SNX13: variants seen among roughly 807,000 people sequenced by gnomAD.
SNX13 encodes the protein sorting nexin 13.
Under a neutral mutation model 133.6 loss-of-function variants are expected in SNX13, and 45 were observed. The ratio of observed to expected loss-of-function variants is 0.34; its 90% CI spans 0.27 to 0.43. The LOEUF is 0.43. Among genes scored for constraint, SNX13 ranks in the 20% least tolerant of loss-of-function variants. The pLI is 1.00. For missense variants in SNX13, 1,032 were observed against 1,145.1 expected, an observed-to-expected ratio of 0.90 and a Z score of 1.43; for synonymous variants, 414 against 373.9, an observed-to-expected ratio of 1.11 and a Z score of -1.24.
intron 1 of SNX13, among the ~76,000 whole-genome samples, chr7:17,939,246 T>G (rs1468715887): frequency 6.6e-6 from 1 of 152,234 alleles, no homozygotes; most frequent in Non-Finnish European, 1.5e-5. Flanking sequence ...GTAGGAATAC[T>G]TCCCATTGCC....
At chr7:17,803,709 T>C in intron 20 of SNX13, 129 bp from the exon 21 acceptor site, 1 of 807,656 alleles carries the variant, frequency 1.2e-6, no homozygotes, top group Non-Finnish European at 1.8e-6. Context: ...ATTATGTCGT[T>C]ACATTTTAAA....
At chr7:17,828,546 A>C (rs1388907924) in intron 16 of SNX13, among the ~76,000 whole-genome samples, 3 of 151,710 alleles carry the variant, frequency 2.0e-5, no homozygotes, top group African/African-American at 7.2e-5. Flanking sequence ...TTTGTTTAGT[A>C]CATTGGAATA....
intron 1 of SNX13, among the ~76,000 whole-genome samples, chr7:17,900,858 C>T (rs1326370013): frequency 6.6e-6 from 1 of 152,136 alleles, no homozygotes; most frequent in South Asian, 2.1e-4. Context: ...ACTCTTCCCT[C>T]TCCTTTTCTC....
rs1389809194 is a variant in SNX13, at chr7:17,883,678, A to G, written c.440+6685T>C. On this transcript the variant is annotated intron_variant, in intron 5 of 25. Transcript: ENST00000428135. ...CTGCACCCATCAACCTGTCACCTAC[A>G]TTAGGTACTTATCCTAATGCTATCC... Among the ~76,000 whole-genome samples, 4 of 152,098 alleles carry G rather than the reference A, an allele frequency of 2.6e-5. No individual in the cohort carries two copies. In the East Asian group the frequency reaches 7.7e-4, roughly 29 times the overall value.
intron 3 of SNX13, 110 bp downstream of exon 3, chr7:17,893,222 A>G (rs761001117): frequency 1.6e-6 from 1 of 611,560 alleles, no homozygotes; most frequent in Non-Finnish European, 2.8e-6. Context: ...ATTCCCAGTG[A>G]GCATTAGTAA....
intron 2 of SNX13, among the ~76,000 whole-genome samples, chr7:17,896,971 T>C (rs1797279401): frequency 6.6e-6 from 1 of 152,110 alleles, no homozygotes; most frequent in Non-Finnish European, 1.5e-5. Flanking sequence ...ATGTAAAACT[T>C]CATGTGCAGT....
intron 20 of SNX13, among the ~76,000 whole-genome samples, chr7:17,806,294 TCA>T (rs1785290329): frequency 1.3e-5 from 2 of 152,330 alleles, no homozygotes; most frequent in South Asian, 4.1e-4. Context: ...AAAAATTGTT[TCA>T]CAGATTTTCC....
intron 5 of SNX13, among the ~76,000 whole-genome samples, chr7:17,885,429 G>A (rs1795877223): frequency 6.6e-6 from 1 of 152,128 alleles, no homozygotes; most frequent in Admixed American, 6.6e-5. Flanking sequence ...GATGAAAGCT[G>A]TACAATGCTT....
At chr7:17,901,666 C>T (rs978580619) in intron 1 of SNX13, among the ~76,000 whole-genome samples, 2 of 152,206 alleles carry the variant, frequency 1.3e-5, no homozygotes, top group African/African-American at 4.8e-5. Flanking sequence ...CTGCACCACT[C>T]AGCTTCTGCC....
At chr7:17,811,066 T>C (rs1562677653) in intron 20 of SNX13, among the ~76,000 whole-genome samples, 1 of 152,192 alleles carries the variant, frequency 6.6e-6, no homozygotes, top group Non-Finnish European at 1.5e-5. Flanking sequence ...GGGCAAAAGC[T>C]GGAAGCATTC....
chr7:17,814,166 G>A (rs1786381939), intron 20 of SNX13, among the ~76,000 whole-genome samples: 2 of 152,200 alleles, frequency 1.3e-5, no homozygotes, highest in Admixed American at 6.5e-5. Context: ...GTAATATACA[G>A]AATATTGCAT....
intron 2 of SNX13, among the ~76,000 whole-genome samples, chr7:17,893,685 T>C (rs549629537): frequency 6.6e-6 from 1 of 152,226 alleles, no homozygotes; most frequent in South Asian, 2.1e-4. Flanking sequence ...TAAAGAATCT[T>C]GTGACAAGGC....
Position 17,897,778 on chromosome 7 carries a change from C to T in SNX13, c.13-332G>A, listed in dbSNP as rs907325732. 1.9e-5 allele frequency: 3 copies of T among 161,868 alleles called. No homozygotes were observed. In the Admixed American group the frequency reaches 1.9e-4, roughly 10 times the overall value. 10.0% of individuals were successfully genotyped at this position (161,868 alleles called of 1,614,324 possible). On this transcript the variant is annotated intron_variant, in intron 1 of 25. Coordinates refer to ENST00000428135, the MANE Select transcript of SNX13 (RefSeq NM_015132.5). ...AAATACAACAAAGTATGTACAAAAA[C>T]ATCTGTACATTTATATTTGCAAATG...
At chr7:17,814,752 T>C in intron 20 of SNX13, 82 bp downstream of exon 20, 1 of 1,191,196 alleles carries the variant, frequency 8.4e-7, no homozygotes, top group Non-Finnish European at 1.1e-6. Context: ...CACGTACAAA[T>C]CTAAATTTAT....
At chr7:17,855,309 C>G (rs907657033) in intron 9 of SNX13, among the ~76,000 whole-genome samples, 1 of 152,172 alleles carries the variant, frequency 6.6e-6, no homozygotes, top group African/African-American at 2.4e-5. Context: ...AGAAGCTATA[C>G]GGCAAGTCAT....
chr7:17,935,179 T>C (rs1335605533), intron 1 of SNX13, among the ~76,000 whole-genome samples: 1 of 152,144 alleles, frequency 6.6e-6, no homozygotes, highest in Non-Finnish European at 1.5e-5. Context: ...GGAATACTAA[T>C]TGGGCTTAAA....
intron 15 of SNX13, chr7:17,830,717 C>G (rs2691597): frequency 1.0e-6 from 1 of 975,742 alleles, no homozygotes; most frequent in Non-Finnish European, 1.2e-6. Context: ...CCTTAGAGTT[C>G]TATTATAAAT....
intron 1 of SNX13, among the ~76,000 whole-genome samples, chr7:17,933,444 G>A (rs1374957447): frequency 6.6e-6 from 1 of 151,970 alleles, no homozygotes; most frequent in Non-Finnish European, 1.5e-5. Flanking sequence ...TCAGGAGGCT[G>A]AGGCAAAAGA....
Position 17,868,398 on chromosome 7 carries a change from G to A in SNX13, c.837+9C>T. ...CTAAAACAGAGTTGTAATTTTAAAA[G>A]GCACCTACCATCCATATGACATACT... is the stretch of plus-strand genomic sequence containing the variant. On this transcript the variant is annotated intron_variant, in intron 9 of 25. Transcript: ENST00000428135. The A allele has an allele frequency of 2.5e-6, 4 of 1,577,196 alleles. No individual in the cohort carries two copies. Among genetic ancestry groups the A allele is most frequent in the Non-Finnish European group, 3.5e-6 (4 of 1,158,318 alleles).
Sources: gnomAD v4.1 joint callset for allele counts (sites outside exome capture counted in the v4.1 genomes callset) on GRCh38, gnomAD v4.1.1 for gene constraint, MANE v1.5 for transcripts, NCBI Gene and HGNC (gene_info 2026-07-23, HGNC 2026-07-21) for gene names.